The following STK32C variants were observed in gnomAD, a reference collection of about 807,000 sequenced individuals.
STK32C encodes serine/threonine-protein kinase 32C.
Under a neutral mutation model 56.5 loss-of-function variants are expected in STK32C, and 31 were observed. That is an observed-to-expected ratio of 0.55 (90% CI 0.41 to 0.74). The LOEUF (loss-of-function observed/expected upper bound fraction) is 0.74, where lower values mean the gene tolerates loss of function less well. Ranked by LOEUF, STK32C falls within the 30% of genes least tolerant of loss-of-function variation. STK32C has a pLI of 0.00. For synonymous variants in STK32C, 309 were observed against 289.4 expected (o/e 1.07, Z -0.69); for missense variants, 544 against 676.9 (o/e 0.80, Z 2.18).
chr10:132,285,952 A>T (rs752822498), intron 1 of STK32C, among the ~76,000 whole-genome samples: 6 of 152,064 alleles, frequency 3.9e-5, no homozygotes, highest in Non-Finnish European at 7.4e-5. Context: ...GTGAAATCCC[A>T]TCTCTACTAA....
chr10:132,241,318 C>A (rs2063493258), intron 2 of STK32C, among the ~76,000 whole-genome samples: 1 of 152,226 alleles, frequency 6.6e-6, no homozygotes, highest in Non-Finnish European at 1.5e-5. Context: ...CAGGGCCAGG[C>A]AGTGGCTCAA....
At chr10:132,221,625 C>A (rs540713477) in intron 10 of STK32C, among the ~76,000 whole-genome samples, 1 of 143,786 alleles carries the variant, frequency 7.0e-6, no homozygotes, top group East Asian at 2.1e-4. Context: ...GATGGCCGTC[C>A]CCCCACACAC....
At chr10:132,236,275 C>A (rs560589672) in intron 2 of STK32C, among the ~76,000 whole-genome samples, 2 of 152,354 alleles carry the variant, frequency 1.3e-5, no homozygotes, top group South Asian at 4.1e-4. Flanking sequence ...GGGCTCTGGG[C>A]CCACGCGGAG....
intron 2 of STK32C, among the ~76,000 whole-genome samples, chr10:132,240,299 G>A (rs1048299728): frequency 3.9e-5 from 6 of 152,322 alleles, no homozygotes; most frequent in South Asian, 2.1e-4. Context: ...AGCTCCTCCC[G>A]GCGTGGACTC....
At chr10:132,216,564 T>C (rs929654377) in intron 10 of STK32C, among the ~76,000 whole-genome samples, 2 of 150,930 alleles carry the variant, frequency 1.3e-5, no homozygotes, top group African/African-American at 4.9e-5. Context: ...ACCAAGACAA[T>C]GGGGAAAATG....
intron 1 of STK32C, among the ~76,000 whole-genome samples, chr10:132,272,538 C>T (rs1183711537): frequency 2.0e-5 from 3 of 152,188 alleles, no homozygotes; most frequent in Non-Finnish European, 4.4e-5. Flanking sequence ...GGCATGGGCT[C>T]GACTCCTCTC....
rs1480655157 is a variant in STK32C at position 132,255,645 on chromosome 10, C to A, written c.263-9690G>T. Among the ~76,000 whole-genome samples, 6 of 152,190 alleles carry A rather than the reference C, an allele frequency of 3.9e-5. No individual in the cohort carries two copies. Among genetic ancestry groups the A allele is most frequent in the African/African-American group, 9.7e-5 (4 of 41,448 alleles). On this transcript the variant is annotated intron_variant, in intron 1 of 11. Coordinates refer to ENST00000298630, the MANE Select transcript of STK32C (RefSeq NM_173575.4). This position sits in a 1 kb window ranked among gnomAD's most constrained non-coding sequence, Gnocchi z 4.6. ...GCCCTGCAGGAAGCAGGTCCCTCAA[C>A]CCTTGCTGAGCCCCACGCGGTTTCC...
In STK32C at chr10:132,307,466, A is replaced by G; in HGVS notation, c.262+106T>C. ...TCTCCGGAAGCCGGGGCGCCCCGGG[A>G]AGCCGTCCCGGACACCGGGGGAACC... On this transcript the variant is annotated intron_variant, in intron 1 of 11. Coordinates refer to ENST00000298630, the MANE Select transcript of STK32C (RefSeq NM_173575.4). This position sits in a 1 kb window ranked among gnomAD's most constrained non-coding sequence, Gnocchi z 4.4. 1 of 1,242,150 alleles carries G rather than the reference A, an allele frequency of 8.1e-7. No individual in the cohort carries two copies. The allele number at this position is 1,242,150 out of a possible 1,614,324, so 76.9% of individuals were successfully genotyped here. A position where few individuals can be genotyped will look rare whatever the true frequency, so the allele number is the denominator to read the frequency against.
chr10:132,320,316 C>T (rs1438497841), downstream of STK32C, among the ~76,000 whole-genome samples: 1 of 151,912 alleles, frequency 6.6e-6, no homozygotes, highest in Admixed American at 6.6e-5. Flanking sequence ...TTAGTCATAA[C>T]TGTTGCAATG....
At chr10:132,322,446 T>C (rs2066428525), downstream of STK32C, among the ~76,000 whole-genome samples, 2 of 152,376 alleles carry the variant, frequency 1.3e-5, no homozygotes, top group South Asian at 2.1e-4. Context: ...TTTACCAATA[T>C]TTATTTTTAT....
In STK32C at chr10:132,299,777, C is replaced by G. The variant is rs1477228120; in HGVS notation, c.262+7795G>C. Among the ~76,000 whole-genome samples, 3 of 152,200 alleles carry G rather than the reference C, an allele frequency of 2.0e-5. No homozygotes were observed. In the East Asian group the frequency reaches 5.8e-4, roughly 29 times the overall value. Reference sequence around the variant, plus strand: ...AACAGAAAAGTGGAACAATGTGTCCCCTGGGCACGAACAGGACCCGGTTTG... The same window carrying G: ...AACAGAAAAGTGGAACAATGTGTCCGCTGGGCACGAACAGGACCCGGTTTG... On this transcript the variant is annotated intron_variant, in intron 1 of 11. Transcript: ENST00000298630.
intron 1 of STK32C, among the ~76,000 whole-genome samples, chr10:132,258,272 G>A (rs2138046268): frequency 6.6e-6 from 1 of 152,354 alleles, no homozygotes; most frequent in Admixed American, 6.5e-5. Context: ...TTGCTCCAAG[G>A]TGGCATGAGC....
exon 1 of STK32C, chr10:132,331,789 G>T (rs12784130): frequency 0.37 from 600,079 of 1,604,620 alleles, 114,392 homozygotes; most frequent in Non-Finnish European, 0.39. Context: ...CCAGACCCTC[G>T]CGGTCTCTAC....
rs555980878 is a variant in STK32C at position 132,225,802 on chromosome 10, T to A, written c.645-18A>T. On this transcript the variant is annotated intron_variant, in intron 4 of 11. Coordinates refer to ENST00000298630, the MANE Select transcript of STK32C (RefSeq NM_173575.4). ...TGACATCTCTAGAAAGAGCAGAAAG[T>A]GGGAAGGTGAGTTGGGAATCTGCCC... The A allele has an allele frequency of 1.9e-6, 3 of 1,613,596 alleles. No homozygotes were observed. The highest frequency in any genetic ancestry group is 2.5e-6 in the Non-Finnish European group (3 of 1,179,978).
chr10:132,325,024 G>C (rs1300793625), intron 1 of STK32C, among the ~76,000 whole-genome samples: 1 of 152,190 alleles, frequency 6.6e-6, no homozygotes, highest in Non-Finnish European at 1.5e-5. Context: ...GGGTTGTAGA[G>C]ATCAAGTTCT....
intron 2 of STK32C, among the ~76,000 whole-genome samples, chr10:132,244,531 G>A (rs2063617694): frequency 6.6e-6 from 1 of 152,196 alleles, no homozygotes; most frequent in Non-Finnish European, 1.5e-5. Flanking sequence ...GCACCCGCCA[G>A]CCTCGCTCCC....
At position 132,255,816 on chromosome 10, in the gene STK32C, C is replaced by A. The variant is rs2064099335; in HGVS notation, c.263-9861G>T. Among the ~76,000 whole-genome samples the A allele has an allele frequency of 6.6e-6, 1 of 152,192 alleles. No individual in the cohort carries two copies. Among genetic ancestry groups the A allele is most frequent in the Non-Finnish European group, 1.5e-5 (1 of 68,026 alleles). On this transcript the variant is annotated intron_variant, in intron 1 of 11. Transcript: ENST00000298630. The surrounding 1 kb of genome is among the most constrained non-coding windows in gnomAD (Gnocchi z 4.6). The stretch of plus-strand genomic sequence containing the variant: ...TCGAGGTCATGCCTGGGTGCCAGCA[C>A]CATGGCCCAGCATTACGTGCGCTGC...
intron 1 of STK32C, among the ~76,000 whole-genome samples, chr10:132,315,074 C>T (rs766939448): frequency 5.1e-4 from 78 of 152,178 alleles, no homozygotes; most frequent in Non-Finnish European, 8.4e-4. Context: ...GCGGAAGTTG[C>T]GGTGAGCAGA....
intron 1 of STK32C, among the ~76,000 whole-genome samples, chr10:132,282,044 G>A (rs1356947596): frequency 1.3e-5 from 2 of 152,250 alleles, no homozygotes; most frequent in Non-Finnish European, 2.9e-5. Context: ...CCTGGAGGCA[G>A]AGCCGCCAGC....
Sources: allele counts gnomAD v4.1 joint callset (sites outside exome capture counted in the v4.1 genomes callset), GRCh38; gene constraint gnomAD v4.1.1; non-coding constraint Gnocchi (gnomAD v3.1); transcripts MANE v1.5; gene names NCBI Gene and HGNC (gene_info 2026-07-23, HGNC 2026-07-21).